The following TBC1D19 variants were observed in gnomAD, a reference collection of about 807,000 sequenced individuals.
The protein encoded by TBC1D19 is TBC1 domain family, member 19.
A neutral mutation model predicts 89.0 loss-of-function variants in TBC1D19; 60 were observed. That is an observed-to-expected ratio of 0.67 (90% CI 0.55 to 0.84). TBC1D19 has a LOEUF of 0.84. Among genes scored for constraint, TBC1D19 ranks in the 40% least tolerant of loss-of-function variants. The probability of loss-of-function intolerance (pLI) is 0.00; values close to 1 mark genes in which losing one functional copy is unlikely to be tolerated. For synonymous variants in TBC1D19, 189 were observed against 199.7 expected (o/e 0.95, Z 0.45); for missense variants, 500 against 610.8 (o/e 0.82, Z 1.91).
At chr4:26,685,169 T>C (rs764379778) in intron 12 of TBC1D19, among the ~76,000 whole-genome samples, 2 of 152,198 alleles carry the variant, frequency 1.3e-5, no homozygotes, top group Non-Finnish European at 2.9e-5. Context: ...GCTAAAATAA[T>C]GCAAGTGGAA....
the TBC1D19 span, among the ~76,000 whole-genome samples, chr4:26,832,292 C>G: frequency 2.0e-5 from 3 of 152,156 alleles, no homozygotes; most frequent in African/African-American, 7.2e-5. Context: ...CTTCCCTGAT[C>G]CTCCACAGGT....
At chr4:26,679,617 A>T (rs1577922552) in intron 11 of TBC1D19, among the ~76,000 whole-genome samples, 1 of 152,202 alleles carries the variant, frequency 6.6e-6, no homozygotes, top group East Asian at 1.9e-4. Context: ...GAAGAGAGCC[A>T]CCATCCTCCA....
intron 7 of TBC1D19, among the ~76,000 whole-genome samples, chr4:26,649,000 AT>A (rs1278257436): frequency 6.6e-6 from 1 of 151,316 alleles, no homozygotes; most frequent in Admixed American, 6.6e-5. Flanking sequence ...TAATATTTTT[AT>A]TTTTCTGTTA....
chr4:26,638,888 A>G (rs1743308392), intron 6 of TBC1D19, 54 bp downstream of exon 6: 1 of 1,295,902 alleles, frequency 7.7e-7, no homozygotes, highest in Non-Finnish European at 1.1e-6. Context: ...TGCCTTCTTA[A>G]CTGTGGATCC....
At chr4:26,734,982 GTATATGTATATATGTATACACATATGTA>G (rs1347120486) in intron 15 of TBC1D19, among the ~76,000 whole-genome samples, 1 of 149,068 alleles carries the variant, frequency 6.7e-6, no homozygotes, top group Non-Finnish European at 1.5e-5. Flanking sequence ...ATACACATAT[GTATATGTATATATGTATACACATATGTA>G]TATGTGTATA....
intron 13 of TBC1D19, among the ~76,000 whole-genome samples, chr4:26,707,717 A>C (rs908715877): frequency 1.3e-5 from 2 of 151,930 alleles, no homozygotes; most frequent in Admixed American, 1.3e-4. Context: ...TATATTCCAC[A>C]GCTATTTTCT....
At chr4:26,597,156 A>G (rs1042587792) in intron 1 of TBC1D19, among the ~76,000 whole-genome samples, 1 of 152,234 alleles carries the variant, frequency 6.6e-6, no homozygotes. Context: ...CTATTAAAAT[A>G]AATATGTTAA....
At chr4:26,777,063 T>G in the TBC1D19 span, among the ~76,000 whole-genome samples, 2 of 152,226 alleles carry the variant, frequency 1.3e-5, no homozygotes, top group East Asian at 1.9e-4. Flanking sequence ...TGTTTTGGTG[T>G]TATTCTACAG....
At chr4:26,720,779 C>T (rs1001187961) in intron 15 of TBC1D19, among the ~76,000 whole-genome samples, 1 of 151,962 alleles carries the variant, frequency 6.6e-6, no homozygotes, top group Non-Finnish European at 1.5e-5. Context: ...GGTTCAGATC[C>T]CAATTCTTCC....
At chr4:26,732,502 G>A (rs1442843217) in intron 15 of TBC1D19, among the ~76,000 whole-genome samples, 2 of 152,050 alleles carry the variant, frequency 1.3e-5, no homozygotes, top group Non-Finnish European at 2.9e-5. Flanking sequence ...CTGGCACATC[G>A]CAGGGACACA....
chr4:26,616,659 A>G (rs913154618), intron 3 of TBC1D19, among the ~76,000 whole-genome samples: 2 of 152,174 alleles, frequency 1.3e-5, no homozygotes, highest in African/African-American at 4.8e-5. Flanking sequence ...CAGACTGAAA[A>G]CAGCACACTT....
intron 7 of TBC1D19, among the ~76,000 whole-genome samples, chr4:26,643,519 A>G (rs903187767): frequency 6.6e-6 from 1 of 152,208 alleles, no homozygotes; most frequent in African/African-American, 2.4e-5. Context: ...TAAAAGAACT[A>G]GAGAAGCAAG....
chr4:26,791,304 T>C, the TBC1D19 span, among the ~76,000 whole-genome samples: 1 of 152,156 alleles, frequency 6.6e-6, no homozygotes, highest in Non-Finnish European at 1.5e-5. Context: ...TTTTGAGCAC[T>C]TGCTATGAGC....
At chr4:26,683,506 A>C (rs61690082) in intron 11 of TBC1D19, among the ~76,000 whole-genome samples, 169 bp from the exon 12 acceptor site, 69,283 of 152,120 alleles carry the variant, frequency 0.46, 17,557 homozygotes, top group Admixed American at 0.6. Context: ...TGATAGAAGT[A>C]AGTATATTTG....
intron 13 of TBC1D19, among the ~76,000 whole-genome samples, chr4:26,703,373 G>GA (rs1715481252): frequency 1.3e-5 from 2 of 151,980 alleles, no homozygotes; most frequent in South Asian, 4.1e-4. Context: ...TTTCCTTTCA[G>GA]AAAAAATTGT....
chr4:26,800,555 GTT>G, the TBC1D19 span, among the ~76,000 whole-genome samples: 14 of 152,218 alleles, frequency 9.2e-5, no homozygotes, highest in East Asian at 2.3e-3. Context: ...GGTATTTCTA[GTT>G]CTAGATCCCT....
intron 13 of TBC1D19, among the ~76,000 whole-genome samples, chr4:26,713,068 T>A (rs897829543): frequency 6.6e-6 from 1 of 152,080 alleles, no homozygotes; most frequent in African/African-American, 2.4e-5. Flanking sequence ...TTAATATTTA[T>A]AAATTTAGAA....
chr4:26,587,579 A>G (rs79895899), intron 1 of TBC1D19, among the ~76,000 whole-genome samples: 1 of 143,862 alleles, frequency 7.0e-6, no homozygotes, highest in Non-Finnish European at 1.5e-5. Flanking sequence ...CTTGTCTCAA[A>G]AAAAAAAAAA....
chr4:26,612,832 T>C (rs1009168761), intron 1 of TBC1D19, among the ~76,000 whole-genome samples: 3 of 152,096 alleles, frequency 2.0e-5, no homozygotes, highest in Non-Finnish European at 4.4e-5. Flanking sequence ...ATATTTAATA[T>C]AATATCAAGG....
Sources: allele counts gnomAD v4.1 joint callset (sites outside exome capture counted in the v4.1 genomes callset), GRCh38; gene constraint gnomAD v4.1.1; transcripts MANE v1.5; gene names NCBI Gene and HGNC (gene_info 2026-07-23, HGNC 2026-07-21).